The following ZCCHC14 variants were observed in gnomAD, a reference collection of about 807,000 sequenced individuals.
ZCCHC14 encodes zinc finger CCHC domain-containing protein 14.
ZCCHC14 carries 16 observed loss-of-function variants against 85.0 expected under a neutral mutation model. The observed-to-expected ratio is 0.19, with a 90% CI of 0.13 to 0.29. The LOEUF is 0.29. ZCCHC14 is among the 10% of genes least tolerant of loss of function. The pLI, the probability that ZCCHC14 is intolerant of heterozygous loss-of-function variation, is 1.00. For missense variants in ZCCHC14, 1,303 were observed against 1,443.5 expected (o/e 0.90, Z 1.58); for synonymous variants, 775 against 630.7 (o/e 1.23, Z -3.43).
chr16:87,411,972 G>GGGCGGGCTGCGGGGGTGC lies in ZCCHC14; in HGVS notation c.2731_2748dup (p.Ala911_Ala916dup). 2 of 1,603,856 alleles carry GGGCGGGCTGCGGGGGTGC rather than the reference G, an allele frequency of 1.2e-6. No homozygotes were observed. The highest frequency in any genetic ancestry group is 1.7e-6 in the Non-Finnish European group (2 of 1,176,382). On this transcript the variant is annotated inframe_insertion, in exon 12 of 13. Coordinates refer to ENST00000671377, the MANE Select transcript of ZCCHC14 (RefSeq NM_015144.3). ...CACACAATGCAGCCTGGCGGGGGTG[G>GGGCGGGCTGCGGGGGTGC]GGCGGGCTGCGGGGGTGCCGGGGGC...
rs1597395039 is a variant in ZCCHC14, at chr16:87,410,039, C to T, written c.*241G>A. 5.2e-6 allele frequency: 2 copies of T among 381,140 alleles called. No homozygotes were observed. Among genetic ancestry groups the T allele is most frequent in the East Asian group, 4.5e-5 (1 of 22,174 alleles). The allele number at this position is 381,140 out of a possible 1,614,324, so 23.6% of individuals were successfully genotyped here. ...CACTGCAACCAAAAGTGGAGGTGGC[C>T]GATCTCACCAGCCACAGAGATGCCC... On this transcript the variant is annotated 3_prime_UTR_variant, in exon 13 of 13. Transcript: ENST00000671377.
intron 2 of ZCCHC14, among the ~76,000 whole-genome samples, chr16:87,450,780 T>C (rs1271147607): frequency 1.3e-5 from 2 of 152,086 alleles, no homozygotes; most frequent in Non-Finnish European, 2.9e-5. Flanking sequence ...GGTGTGGAAC[T>C]CCTGAGCTCA....
At chr16:87,468,835 C>T (rs1911651614) in intron 1 of ZCCHC14, among the ~76,000 whole-genome samples, 2 of 152,178 alleles carry the variant, frequency 1.3e-5, no homozygotes, top group African/African-American at 4.8e-5. Flanking sequence ...AAGTACCTGC[C>T]CGCAGGCCTC....
chr16:87,444,507 T>G (rs1304115252), intron 2 of ZCCHC14, among the ~76,000 whole-genome samples: 1 of 152,164 alleles, frequency 6.6e-6, no homozygotes, highest in East Asian at 1.9e-4. Context: ...GAAAGTAATT[T>G]TTACACAGGA....
At chr16:87,434,190 AT>A (rs1209086578) in intron 2 of ZCCHC14, among the ~76,000 whole-genome samples, 2 of 152,222 alleles carry the variant, frequency 1.3e-5, no homozygotes, top group African/African-American at 4.8e-5. Context: ...CAAAAATAAG[AT>A]GATACAATTA....
At chr16:87,439,774 G>C (rs1173264163) in intron 2 of ZCCHC14, among the ~76,000 whole-genome samples, 1 of 152,136 alleles carries the variant, frequency 6.6e-6, no homozygotes, top group East Asian at 1.9e-4. Flanking sequence ...ATGTTACAAA[G>C]TCAAAATACA....
Position 87,492,288 on chromosome 16 carries a change from C to T in ZCCHC14, c.-50G>A, listed in dbSNP as rs1411203483. The stretch of plus-strand genomic sequence containing the variant: ...CCCGGGGCCGGGGACCGCGCGGGGG[C>T]GGCCGGGGGGCGCCGGGGGCCGCGG... On this transcript the variant is annotated 5_prime_UTR_variant, in exon 1 of 13. Transcript: ENST00000671377. This position sits in a 1 kb window ranked among gnomAD's most constrained non-coding sequence, Gnocchi z 6.7. 1.0e-6 allele frequency: 1 copy of T among 967,942 alleles called. No homozygotes were observed. 60.0% of individuals were successfully genotyped at this position (967,942 alleles called of 1,614,324 possible).
At chr16:87,464,036 G>C (rs1911402028) in intron 1 of ZCCHC14, among the ~76,000 whole-genome samples, 1 of 152,228 alleles carries the variant, frequency 6.6e-6, no homozygotes, top group Non-Finnish European at 1.5e-5. Flanking sequence ...TTTGCTGGTA[G>C]TGGCAAACCT....
At chr16:87,425,208 G>A (rs1036286783) in intron 3 of ZCCHC14, among the ~76,000 whole-genome samples, 1 of 152,132 alleles carries the variant, frequency 6.6e-6, no homozygotes, top group African/African-American at 2.4e-5. Context: ...ATTCATCAAG[G>A]CAAGCAGCAG....
At chr16:87,458,469 G>A (rs1911085316) in intron 2 of ZCCHC14, among the ~76,000 whole-genome samples, 3 of 152,298 alleles carry the variant, frequency 2.0e-5, no homozygotes, top group South Asian at 4.1e-4. Context: ...TTGCTACGAG[G>A]GTCAAGTGGG....
rs1220523981 is a variant in ZCCHC14, at chr16:87,412,162, G to C, written c.2559C>G (p.Ser853=). 2 of 1,614,066 alleles carry C rather than the reference G, an allele frequency of 1.2e-6. No homozygotes were observed. Among genetic ancestry groups the C allele is most frequent in the Admixed American group, 3.3e-5 (2 of 60,032 alleles). ...TASPSSHPST[S]FANMATLPSC... is the part of the protein sequence containing the mutation. The stretch of plus-strand genomic sequence containing the variant: ...TGGGCAACGTGGCCATGTTGGCAAA[G>C]GACGTGGAGGGGTGGCTGCTGGGAG... The change falls in exon 12 of 13, where the codon TCC becomes TCG. Residue 853 remains serine (S), a synonymous_variant. Transcript: ENST00000671377.
At chr16:87,456,533 CAAAAAAAAAAAAAAAA>C (rs60817141) in intron 2 of ZCCHC14, among the ~76,000 whole-genome samples, 5 of 63,374 alleles carry the variant, frequency 7.9e-5, no homozygotes, top group Non-Finnish European at 1.5e-4. Flanking sequence ...ACTCTGTCTC[CAAAAAAAAAAAAAAAA>C]AAAAAAAAAA....
intron 2 of ZCCHC14, among the ~76,000 whole-genome samples, chr16:87,434,990 C>CAAAA (rs35789742): frequency 2.7e-5 from 2 of 74,380 alleles, no homozygotes; most frequent in Admixed American, 1.8e-4. Context: ...GACTTCGCCT[C>CAAAA]AAAAAAAAAA....
Position 87,474,649 on chromosome 16 carries a change from C to A in ZCCHC14, c.571-14518G>T, listed in dbSNP as rs143396407. Among the ~76,000 whole-genome samples, 118 of 152,322 alleles carry A rather than the reference C, an allele frequency of 7.7e-4. 1 individual carries two copies. In the East Asian group the frequency reaches 0.021, roughly 27 times the overall value. On this transcript the variant is annotated intron_variant, in intron 1 of 12. Transcript: ENST00000671377. ...CGGGTTTCTTGTCCTGGGGCAGAAC[C>A]TGGTCCTCCTCAGAGAAGGGGGGCA...
intron 8 of ZCCHC14, among the ~76,000 whole-genome samples, chr16:87,416,017 C>T (rs1434279337): frequency 6.6e-6 from 1 of 152,112 alleles, no homozygotes; most frequent in Non-Finnish European, 1.5e-5. Flanking sequence ...ACCTCCACCT[C>T]CCGGGTTCAA....
At chr16:87,423,751 C>G in intron 4 of ZCCHC14, 59 bp downstream of exon 4, 5 of 1,584,104 alleles carry the variant, frequency 3.2e-6, no homozygotes. Context: ...TCCGTGGTAT[C>G]ATCAGCCACT....
At chr16:87,453,372 G>A (rs1207279996) in intron 2 of ZCCHC14, among the ~76,000 whole-genome samples, 1 of 152,252 alleles carries the variant, frequency 6.6e-6, no homozygotes, top group Non-Finnish European at 1.5e-5. Flanking sequence ...GGAGCAGGCA[G>A]AACCTGGAGG....
At chr16:87,414,349 T>C (rs12921648) in intron 10 of ZCCHC14, 65 bp downstream of exon 10, 8 of 1,600,708 alleles carry the variant, frequency 5.0e-6, no homozygotes, top group Middle Eastern at 2.2e-4. Flanking sequence ...GAGTAACCCA[T>C]CTGCCCGACA....
intron 3 of ZCCHC14, among the ~76,000 whole-genome samples, chr16:87,427,006 C>G (rs1170050561): frequency 2.0e-5 from 3 of 152,214 alleles, no homozygotes; most frequent in East Asian, 3.9e-4. Flanking sequence ...CGACGGGACG[C>G]GGGCTCGCGT....
Sources: allele counts gnomAD v4.1 joint callset (sites outside exome capture counted in the v4.1 genomes callset), GRCh38; gene constraint gnomAD v4.1.1; non-coding constraint Gnocchi (gnomAD v3.1); transcripts MANE v1.5; gene names NCBI Gene and HGNC (gene_info 2026-07-23, HGNC 2026-07-21).